HEMK2: variants seen among roughly 807,000 people sequenced by gnomAD.
HEMK2 encodes the protein methyltransferase HEMK2.
chr21:28,878,092 C>A, the HEMK2 span: 6 of 1,046,164 alleles, frequency 5.7e-6, no homozygotes, highest in Non-Finnish European at 8.1e-6. Flanking sequence ...TTAAGTGATT[C>A]ATTAACATGC....
chr21:28,629,682 TG>T, the HEMK2 span, among the ~76,000 whole-genome samples: 2 of 152,334 alleles, frequency 1.3e-5, no homozygotes, highest in Middle Eastern at 3.4e-3. Flanking sequence ...CAGGAATAAC[TG>T]TAGCTGCCAT....
the HEMK2 span, among the ~76,000 whole-genome samples, chr21:28,624,622 G>A: frequency 4.6e-5 from 7 of 152,166 alleles, no homozygotes; most frequent in Non-Finnish European, 1.0e-4. Context: ...CTCAAGTCAA[G>A]TGACTATGAT....
At chr21:28,599,963 T>C in the HEMK2 span, among the ~76,000 whole-genome samples, 1 of 152,236 alleles carries the variant, frequency 6.6e-6, no homozygotes, top group South Asian at 2.1e-4. Context: ...AAGAGGTGGG[T>C]TCCCATGATC....
At chr21:28,665,150 C>T in the HEMK2 span, among the ~76,000 whole-genome samples, 3 of 150,462 alleles carry the variant, frequency 2.0e-5, no homozygotes, top group Admixed American at 6.6e-5. Flanking sequence ...CCAGGAGTGG[C>T]GGCATGCACC....
At chr21:28,605,144 G>C in the HEMK2 span, among the ~76,000 whole-genome samples, 1 of 152,196 alleles carries the variant, frequency 6.6e-6, no homozygotes, top group Admixed American at 6.5e-5. Context: ...CCTCCACACA[G>C]CCAAGGCAGA....
the HEMK2 span, among the ~76,000 whole-genome samples, chr21:28,657,360 C>G: frequency 2.0e-5 from 3 of 152,032 alleles, no homozygotes; most frequent in Non-Finnish European, 4.4e-5. Context: ...TACTGTTTAT[C>G]CAAAAGGACA....
chr21:28,714,701 T>C, the HEMK2 span, among the ~76,000 whole-genome samples: 6 of 152,244 alleles, frequency 3.9e-5, no homozygotes, highest in East Asian at 1.2e-3. Flanking sequence ...TTGTCACGAG[T>C]ATATTGCATG....
the HEMK2 span, chr21:28,670,883 T>C: frequency 7.2e-5 from 11 of 152,318 alleles, no homozygotes; most frequent in African/African-American, 2.6e-4. Context: ...CAAGACAGCA[T>C]GGGAGGAACC....
At chr21:28,612,570 A>G in the HEMK2 span, among the ~76,000 whole-genome samples, 1 of 152,180 alleles carries the variant, frequency 6.6e-6, no homozygotes, top group South Asian at 2.1e-4. Context: ...ACAGCACCAG[A>G]AGTCCTAGCC....
the HEMK2 span, among the ~76,000 whole-genome samples, chr21:28,591,648 A>G: frequency 1.3e-5 from 2 of 152,156 alleles, no homozygotes; most frequent in African/African-American, 4.8e-5. Context: ...TTCATCACCC[A>G]GGTACTAAGC....
At chr21:28,810,788 C>T in the HEMK2 span, among the ~76,000 whole-genome samples, 183 of 152,266 alleles carry the variant, frequency 1.2e-3, no homozygotes, top group African/African-American at 3.9e-3. Flanking sequence ...CCTTCAGAGG[C>T]GCAGTTCAGT....
chr21:28,754,829 G>T, the HEMK2 span, among the ~76,000 whole-genome samples: 2 of 152,178 alleles, frequency 1.3e-5, no homozygotes, highest in Non-Finnish European at 2.9e-5. Flanking sequence ...TTTTTAATGT[G>T]CCTGCAATAA....
At chr21:28,660,572 T>C in the HEMK2 span, among the ~76,000 whole-genome samples, 1 of 151,838 alleles carries the variant, frequency 6.6e-6, no homozygotes, top group African/African-American at 2.4e-5. Context: ...TGGTTTATGA[T>C]CAAATTTTAA....
At chr21:28,773,478 A>G in the HEMK2 span, among the ~76,000 whole-genome samples, 1 of 152,330 alleles carries the variant, frequency 6.6e-6, no homozygotes, top group South Asian at 2.1e-4. Flanking sequence ...ATATTAATAG[A>G]AGATTCTCTC....
the HEMK2 span, among the ~76,000 whole-genome samples, chr21:28,789,690 G>A: frequency 6.6e-6 from 1 of 152,142 alleles, no homozygotes; most frequent in Non-Finnish European, 1.5e-5. Context: ...AGTAATTGGA[G>A]AAAGTCTTGC....
At chr21:28,664,660 A>G in the HEMK2 span, among the ~76,000 whole-genome samples, 1 of 152,164 alleles carries the variant, frequency 6.6e-6, no homozygotes, top group Non-Finnish European at 1.5e-5. Context: ...CTAGAATTCT[A>G]GCAGACTATA....
chr21:28,584,745 C>T, the HEMK2 span, among the ~76,000 whole-genome samples: 1 of 151,848 alleles, frequency 6.6e-6, no homozygotes, highest in Non-Finnish European at 1.5e-5. Flanking sequence ...TGGAGACAAC[C>T]CTATGTAAAG....
the HEMK2 span, among the ~76,000 whole-genome samples, chr21:28,776,952 T>C: frequency 3.3e-4 from 51 of 152,348 alleles, no homozygotes; most frequent in African/African-American, 1.2e-3. Flanking sequence ...TAATCTCCTT[T>C]GGCAACACCC....
At chr21:28,675,259 T>C in the HEMK2 span, among the ~76,000 whole-genome samples, 2 of 152,152 alleles carry the variant, frequency 1.3e-5, no homozygotes, top group Non-Finnish European at 2.9e-5. Flanking sequence ...CTTTAAACAA[T>C]ACATTTATTC....
Sources: gnomAD v4.1 joint callset for allele counts (sites outside exome capture counted in the v4.1 genomes callset) on GRCh38, gnomAD v4.1.1 for gene constraint, MANE v1.5 for transcripts, NCBI Gene and HGNC (gene_info 2026-07-23, HGNC 2026-07-21) for gene names.